The following MACF1 variants were observed in gnomAD, a reference collection of about 807,000 sequenced individuals.
MACF1 encodes microtubule actin crosslinking factor 1, also known as microtubule-actin cross-linking factor 1.
In MACF1, 193 loss-of-function variants were observed where a neutral mutation model predicts 854.8. The observed-to-expected ratio is 0.23, with a 90% CI of 0.20 to 0.25. The LOEUF is 0.25. MACF1 is among the 10% of genes least tolerant of loss of function. The pLI is 1.00. For synonymous variants in MACF1, 3,185 were observed against 3,226.7 expected, an observed-to-expected ratio of 0.99 and a Z score of 0.44; for missense variants, 7,722 against 8,929.1, an observed-to-expected ratio of 0.86 and a Z score of 5.45.
Position 39,442,488 on chromosome 1 carries a change from A to G in MACF1, c.19025A>G (p.His6342Arg), listed in dbSNP as rs778155432. 6.2e-7 allele frequency: 1 copy of G among 1,614,114 alleles called. No individual in the cohort carries two copies. The highest frequency in any genetic ancestry group is 8.5e-7 in the Non-Finnish European group (1 of 1,180,036). ...ALEELMSWLT[H>R]TEELLDAQRP... is the part of the protein sequence containing the mutation. ...GAGGAACTAATGAGTTGGCTGACTC[A>G]TACCGAAGAGTTGTTAGATGCTCAG... The change falls in exon 77 of 101, where the codon CAT (histidine) becomes CGT (arginine). Residue 6342 changes from histidine (H) to arginine (R), a missense_variant. By Grantham distance (29) the His-to-Arg change is conservative (BLOSUM62 0). Coordinates refer to ENST00000564288, the MANE Select transcript of MACF1 (RefSeq NM_001394062.1).
intron 15 of MACF1, 115 bp downstream of exon 15, chr1:39,287,677 A>C (rs1219030502): frequency 1.7e-6 from 2 of 1,183,746 alleles, no homozygotes; most frequent in Non-Finnish European, 2.4e-6. Flanking sequence ...AATTATTATT[A>C]TTCTTTTATT....
chr1:39,385,975 C>G, intron 57 of MACF1, 46 bp downstream of exon 57: 3 of 1,549,754 alleles, frequency 1.9e-6, no homozygotes, highest in South Asian at 2.4e-5. Flanking sequence ...TAGAGGCAAG[C>G]AGAAAGAAGG....
At chr1:39,366,370 G>A (rs755448857) in intron 49 of MACF1, among the ~76,000 whole-genome samples, 1 of 152,060 alleles carries the variant, frequency 6.6e-6, no homozygotes, top group South Asian at 2.1e-4. Flanking sequence ...GTCCTGCTCT[G>A]TTGCCCAGGC....
intron 43 of MACF1, 33 bp downstream of exon 43, chr1:39,351,051 A>C (rs752268232): frequency 6.5e-7 from 1 of 1,529,358 alleles, no homozygotes; most frequent in Non-Finnish European, 8.9e-7. Context: ...GATATTTTTC[A>C]AAAAAGAAAA....
Position 39,389,351 on chromosome 1 carries a change from G to GTTTTTTTT in MACF1, c.15816+711_15816+718dup, listed in dbSNP as rs10588247. On this transcript the variant is annotated intron_variant, in intron 58 of 100. Transcript: ENST00000564288. Reference sequence around the variant, plus strand: ...ATCTTCAGGTCTCTGGTTTTTGTGTGTTTTTTTTTTTTTTTTTTTTTTTTT... The same window carrying GTTTTTTTT: ...ATCTTCAGGTCTCTGGTTTTTGTGTGTTTTTTTTTTTTTTTTTTTTTTTTTTTTTTTTT... 1.9e-4 allele frequency among the ~76,000 whole-genome samples: 12 copies of GTTTTTTTT among 63,480 alleles called. 2 individuals carry two copies. Among genetic ancestry groups the GTTTTTTTT allele is most frequent in the African/African-American group, 3.4e-4 (6 of 17,636 alleles). 41.6% of individuals were successfully genotyped at this position (63,480 alleles called of 152,430 possible).
At position 39,332,316 on chromosome 1, in the gene MACF1, G is replaced by A. The variant is rs762528510; in HGVS notation, c.5728G>A (p.Asp1910Asn). ...WKKAIESGIL[D>N]RDLANNLKSI... ...GAAAGCAATAGAAAGTGGTATCCTGGATAGAGATCTTGCCAATAACTTAAA... is the reference window on the plus strand; with the variant it reads ...GAAAGCAATAGAAAGTGGTATCCTGAATAGAGATCTTGCCAATAACTTAAA... The change falls in exon 37 of 101, where the codon GAT becomes AAT. Residue 1910 changes from aspartate to asparagine, a missense_variant. Around this residue, in one of 15 missense-constraint regions of MACF1, gnomAD observed 1,531 missense variants for 1,601.6 expected, o/e 0.96. Coordinates refer to ENST00000564288, the MANE Select transcript of MACF1 (RefSeq NM_001394062.1). The A allele has an allele frequency of 3.0e-5, 49 of 1,613,836 alleles. No homozygotes were observed. The highest frequency in any genetic ancestry group is 4.0e-5 in the Non-Finnish European group (47 of 1,180,034).
intron 23 of MACF1, among the ~76,000 whole-genome samples, chr1:39,307,697 C>T (rs1162161317): frequency 2.6e-5 from 4 of 151,572 alleles, no homozygotes; most frequent in Non-Finnish European, 4.4e-5. Context: ...CTCAGCCTCC[C>T]GAGTAGCTAG....
chr1:39,432,432 CTG>C lies in MACF1; in HGVS notation c.17338-101_17338-100del. The stretch of plus-strand genomic sequence containing the variant: ...TTGACTCTACTTTGTGAGATATAAA[CTG>C]TATTACTGAAAATCCAGGCCTTGCT... On this transcript the variant is annotated intron_variant, in intron 66 of 100. Transcript: ENST00000564288. The C allele has an allele frequency of 3.1e-6, 3 of 970,104 alleles. No individual in the cohort carries two copies. The Admixed American group carries it at 7.0e-5, about 23-fold the overall frequency. The allele number at this position is 970,104 out of a possible 1,614,324, so 60.1% of individuals were successfully genotyped here. A position where few individuals can be genotyped will look rare whatever the true frequency, so the allele number is the denominator to read the frequency against.
At chr1:39,471,699 A>T (rs564914961) in intron 97 of MACF1, among the ~76,000 whole-genome samples, 1 of 152,340 alleles carries the variant, frequency 6.6e-6, no homozygotes, top group East Asian at 1.9e-4. Context: ...AATAATGGGT[A>T]TACTTGTACC....
chr1:39,341,035 C>CA, intron 40 of MACF1, 82 bp downstream of exon 40: 3 of 924,556 alleles, frequency 3.2e-6, no homozygotes, highest in Non-Finnish European at 4.5e-6. Flanking sequence ...CCATATTTAT[C>CA]TTTTTTTTTT....
At chr1:39,182,230 A>G (rs1323490137) in intron 2 of MACF1, among the ~76,000 whole-genome samples, 1 of 152,074 alleles carries the variant, frequency 6.6e-6, no homozygotes, top group African/African-American at 2.4e-5. Context: ...ATAGACCTAC[A>G]TATAAGAGCT....
Position 39,334,851 on chromosome 1 carries a change from C to T in MACF1, c.8263C>T (p.Leu2755=). 9.3e-6 allele frequency: 15 copies of T among 1,614,158 alleles called. No individual in the cohort carries two copies. The highest frequency in any genetic ancestry group is 1.2e-5 in the Non-Finnish European group (14 of 1,180,022). ...TGAGAAAAGACTGATCAGCCCTGAA[C>T]TGGCAAATATGATCCAAATAGATAG... The part of the protein sequence containing the change: ...AIEKRLISPE[L]ANMIQIDSSE... The change falls in exon 37 of 101, where the codon CTG becomes TTG. Residue 2755 remains leucine, a synonymous_variant. Transcript: ENST00000564288.
chr1:39,335,453 C>G lies in MACF1; in HGVS notation c.8865C>G (p.Gly2955=). 1 of 1,614,148 alleles carries G rather than the reference C, an allele frequency of 6.2e-7. No homozygotes were observed. Among genetic ancestry groups the G allele is most frequent in the Non-Finnish European group, 8.5e-7 (1 of 1,180,016 alleles). ...EVQETYCETS[G]KLPSEQVLQQ... is the part of the protein sequence containing the mutation. ...AAGAAACATATTGTGAAACGTCAGG[C>G]AAATTGCCGAGTGAGCAGGTTTTGC... Residue 2955 remains glycine (G), a synonymous_variant, in exon 37 of 101, where the codon GGC becomes GGG. Transcript: ENST00000564288.
In MACF1 at chr1:39,417,820, C is replaced by T. The variant is rs1021904080; in HGVS notation, c.15817-4554C>T. ...CTCGAACTCCTGACCTCAGGTGATC[C>T]GCCTGCCTCGGCGTCCCAAAGTGCT... On this transcript the variant is annotated intron_variant, in intron 58 of 100. Transcript: ENST00000564288. Among the ~76,000 whole-genome samples the T allele has an allele frequency of 4.1e-5, 6 of 145,502 alleles. No individual in the cohort carries two copies. In the East Asian group the frequency reaches 8.1e-4, roughly 20 times the overall value.
chr1:39,214,685 T>C (rs1393674179), intron 1 of MACF1, among the ~76,000 whole-genome samples: 1 of 152,228 alleles, frequency 6.6e-6, no homozygotes, highest in African/African-American at 2.4e-5. Flanking sequence ...AGTTACTGAC[T>C]CTTCCCTTTT....
rs1364635765 is a variant in MACF1 at position 39,486,657 on chromosome 1, C to A, written c.*863C>A. 1 of 152,638 alleles carries A rather than the reference C, an allele frequency of 6.6e-6. No homozygotes were observed. The highest frequency in any genetic ancestry group is 1.9e-4 in the East Asian group (1 of 5,208). 9.5% of individuals were successfully genotyped at this position (152,638 alleles called of 1,614,324 possible). ...ATTTAAATGGTCGATCAACTTCCCA[C>A]AAACTGAGGAATGAATTCCACGAGC... On this transcript the variant is annotated 3_prime_UTR_variant, in exon 101 of 101. Transcript: ENST00000564288.
chr1:39,218,649 C>T (rs936370624), intron 1 of MACF1, among the ~76,000 whole-genome samples: 1 of 152,182 alleles, frequency 6.6e-6, no homozygotes, highest in Non-Finnish European at 1.5e-5. Flanking sequence ...CTGTGGCTCT[C>T]TTCTTTTGTT....
chr1:39,088,596 T>G (rs572934802), intron 2 of MACF1, among the ~76,000 whole-genome samples: 1 of 152,254 alleles, frequency 6.6e-6, no homozygotes, highest in East Asian at 1.9e-4. Context: ...CTCTCTGTCT[T>G]TAGTGAAGAG....
At chr1:39,298,379 A>G (rs1645968766) in intron 21 of MACF1, among the ~76,000 whole-genome samples, 1 of 152,166 alleles carries the variant, frequency 6.6e-6, no homozygotes, top group Non-Finnish European at 1.5e-5. Context: ...TTTCTTCAGG[A>G]GTGCTGGTAA....
Sources: gnomAD v4.1 joint callset for allele counts (sites outside exome capture counted in the v4.1 genomes callset) on GRCh38, gnomAD v4.1.1 for gene constraint, gnomAD v4.1.1 regional missense constraint, MANE v1.5 for transcripts, NCBI Gene and HGNC (gene_info 2026-07-23, HGNC 2026-07-21) for gene names.